Variants in CPS1 observed in about 807,000 individuals in gnomAD.
The protein encoded by CPS1 is carbamoyl-phosphate synthase 1, also known as carbamoyl-phosphate synthase [ammonia], mitochondrial.
A neutral mutation model predicts 174.6 loss-of-function variants in CPS1; 109 were observed. The ratio of observed to expected loss-of-function variants is 0.62; its 90% CI spans 0.53 to 0.73. The LOEUF (loss-of-function observed/expected upper bound fraction) is 0.73, where lower values mean the gene tolerates loss of function less well. CPS1 is among the 30% of genes least tolerant of loss of function. The pLI, the probability that CPS1 is intolerant of heterozygous loss-of-function variation, is 0.00. For synonymous variants in CPS1, 637 were observed against 632.0 expected (o/e 1.01, Z -0.12); for missense variants, 1,689 against 1,821.9 (o/e 0.93, Z 1.33).
In CPS1 at chr2:210,677,154, G is replaced by C. The variant is rs1283083703; in HGVS notation, c.4404+18G>C. 6.2e-7 allele frequency: 1 copy of C among 1,612,614 alleles called. No individual in the cohort carries two copies. Among genetic ancestry groups the C allele is most frequent in the Admixed American group, 1.7e-5 (1 of 60,000 alleles). The stretch of plus-strand genomic sequence containing the variant: ...ATTTTCAGGTATAGTCTTTTCCTTG[G>C]ATATAGACTGGATGGGAGTTTTATT... On this transcript the variant is annotated intron_variant, in intron 37 of 37. Coordinates refer to ENST00000233072, the MANE Select transcript of CPS1 (RefSeq NM_001875.5).
chr2:210,600,775 T>C, intron 15 of CPS1, 63 bp downstream of exon 15: 3 of 1,508,650 alleles, frequency 2.0e-6, no homozygotes, highest in Non-Finnish European at 2.8e-6. Flanking sequence ...GGGAGAATGA[T>C]TTTTCATGCC....
Position 210,648,007 on chromosome 2 carries a change from T to C in CPS1, c.3286T>C (p.Leu1096=), listed in dbSNP as rs749825961. The C allele has an allele frequency of 3.1e-6, 5 of 1,613,894 alleles. No homozygotes were observed. The highest frequency in any genetic ancestry group is 4.2e-6 in the Non-Finnish European group (5 of 1,179,914). The part of the protein sequence containing the change: ...AEDRSIFSAV[L]DELKVAQAPW... ...GGATCGCTCCATCTTCTCAGCTGTC[T>C]TGGATGAGCTGAAGGTGGCTCAGGC... is the stretch of plus-strand genomic sequence containing the variant. The change falls in exon 26 of 38, where the codon TTG becomes CTG. Residue 1096 remains leucine, a synonymous_variant. Coordinates refer to ENST00000233072, the MANE Select transcript of CPS1 (RefSeq NM_001875.5).
intron 1 of CPS1, among the ~76,000 whole-genome samples, chr2:210,518,013 A>G (rs950621392): frequency 2.6e-5 from 4 of 151,998 alleles, no homozygotes; most frequent in Non-Finnish European, 5.9e-5. Context: ...GATTAGTAGC[A>G]GTAGATTGCT....
intron 13 of CPS1, 32 bp downstream of exon 13, chr2:210,595,614 A>G (rs765444416): frequency 3.5e-6 from 5 of 1,409,652 alleles, no homozygotes; most frequent in African/African-American, 1.4e-5. Flanking sequence ...TAGAATTAAT[A>G]TGCTTCCTTT....
chr2:210,497,959 A>G (rs998435247), intron 1 of CPS1, among the ~76,000 whole-genome samples: 1 of 139,838 alleles, frequency 7.2e-6, no homozygotes, highest in African/African-American at 2.6e-5. Context: ...GCTGAATGGT[A>G]GTTCTGCTTT....
chr2:210,514,423 G>A (rs1199163124), intron 1 of CPS1, among the ~76,000 whole-genome samples: 1 of 151,542 alleles, frequency 6.6e-6, no homozygotes, highest in Non-Finnish European at 1.5e-5. Context: ...GTATTCCTAG[G>A]TATTTTTTTT....
chr2:210,511,311 C>T (rs1003212974), intron 1 of CPS1, among the ~76,000 whole-genome samples: 2 of 151,900 alleles, frequency 1.3e-5, no homozygotes, highest in African/African-American at 4.8e-5. Context: ...TGTTCTTACT[C>T]ATAGGTGGGA....
chr2:210,677,932 G>C lies in CPS1; in HGVS notation c.4450G>C (p.Asp1484His), dbSNP rs1701584659. 2 of 1,613,958 alleles carry C rather than the reference G, an allele frequency of 1.2e-6. No homozygotes were observed. Among genetic ancestry groups the C allele is most frequent in the African/African-American group, 2.7e-5 (2 of 74,906 alleles). Residue 1484 changes from aspartate (D) to histidine (H), a missense_variant, in exon 38 of 38, where the codon GAC becomes CAC. Physicochemically the swap from Asp to His is moderately conservative, Grantham distance 81. Coordinates refer to ENST00000233072, the MANE Select transcript of CPS1 (RefSeq NM_001875.5). ...AGCTGTGCAGAAATCTCGCAAGGTGGACTCCAAGAGTCTTTTCCACTACAG... is the reference window on the plus strand; with the variant it reads ...AGCTGTGCAGAAATCTCGCAAGGTGCACTCCAAGAGTCTTTTCCACTACAG... ...AEAVQKSRKV[D>H]SKSLFHYRQY...
At chr2:210,612,496 T>C (rs1319087370) in intron 20 of CPS1, among the ~76,000 whole-genome samples, 2 of 151,976 alleles carry the variant, frequency 1.3e-5, no homozygotes, top group Non-Finnish European at 2.9e-5. Flanking sequence ...TCATTTTTAT[T>C]TGACTTTAAG....
upstream of CPS1, among the ~76,000 whole-genome samples, chr2:210,552,722 A>T (rs1016595917): frequency 6.6e-6 from 1 of 151,994 alleles, no homozygotes; most frequent in African/African-American, 2.4e-5. Context: ...GGACTGTTTA[A>T]ATCAGTATAG....
At chr2:210,571,207 T>C (rs1361306061) in intron 1 of CPS1, among the ~76,000 whole-genome samples, 2 of 151,952 alleles carry the variant, frequency 1.3e-5, no homozygotes, top group East Asian at 3.8e-4. Context: ...TTAAATTTAG[T>C]GAAGACAAAC....
chr2:210,595,698 C>A, intron 13 of CPS1, 116 bp downstream of exon 13: 1 of 759,910 alleles, frequency 1.3e-6, no homozygotes, highest in Non-Finnish European at 2.2e-6. Flanking sequence ...AATTATTTTC[C>A]TTAACTGTGC....
intron 6 of CPS1, among the ~76,000 whole-genome samples, chr2:210,585,703 C>G (rs141159903): frequency 1.3e-5 from 2 of 151,920 alleles, no homozygotes; most frequent in East Asian, 3.9e-4. Context: ...TAGTAACCAT[C>G]CTTATACTAC....
At chr2:210,553,245 A>C (rs1347583683), upstream of CPS1, among the ~76,000 whole-genome samples, 1 of 151,860 alleles carries the variant, frequency 6.6e-6, no homozygotes, top group Non-Finnish European at 1.5e-5. Context: ...ATGCTAGAAG[A>C]TAATACTTTA....
rs755882799 is a variant in CPS1 at position 210,612,116 on chromosome 2, G to T, written c.2392-1G>T. 6.2e-7 allele frequency: 1 copy of T among 1,611,516 alleles called. No individual in the cohort carries two copies. The highest frequency in any genetic ancestry group is 8.5e-7 in the Non-Finnish European group (1 of 1,178,358). On this transcript the variant is annotated splice_acceptor_variant, in intron 19 of 37. Coordinates refer to ENST00000233072, the MANE Select transcript of CPS1 (RefSeq NM_001875.5). LOFTEE classifies it high-confidence loss of function. Reference sequence around the variant, plus strand: ...TATGAGGTCTTAAACATGTATTACAGGTCATGGCTATTGGTCGTACCTTTG... The same window carrying T: ...TATGAGGTCTTAAACATGTATTACATGTCATGGCTATTGGTCGTACCTTTG...
rs765626352 is a variant in CPS1 at position 210,573,400 on chromosome 2, C to A, written c.229C>A (p.Leu77Met). The change falls in exon 2 of 38, where the codon CTG becomes ATG. Residue 77 changes from leucine to methionine, a missense_variant. Transcript: ENST00000233072. ...TGGTGAAGTGGTTTTTAATACTGGC[C>A]TGGGAGGGTGAGTAATGCTTTTCCA... ...VAGEVVFNTG[L>M]GGYPEAITDP... 1.2e-6 allele frequency: 2 copies of A among 1,609,956 alleles called. No homozygotes were observed. Among genetic ancestry groups the A allele is most frequent in the Non-Finnish European group, 1.7e-6 (2 of 1,176,460 alleles).
intron 1 of CPS1, among the ~76,000 whole-genome samples, chr2:210,536,703 G>A (rs1299204541): frequency 6.6e-6 from 1 of 152,080 alleles, no homozygotes; most frequent in Non-Finnish European, 1.5e-5. Flanking sequence ...AAAGAACACT[G>A]GAACTACAAA....
rs142586395 is a variant in CPS1, at chr2:210,612,697, T to C, written c.2568+404T>C. ...AGAAAGGAAGGTGCATACAATAATG[T>C]CCCTTAGTATGTGCCACTTGAGTCT... On this transcript the variant is annotated intron_variant, in intron 20 of 37. Coordinates refer to ENST00000233072, the MANE Select transcript of CPS1 (RefSeq NM_001875.5). Among the ~76,000 whole-genome samples the C allele has an allele frequency of 1.6e-4, 25 of 152,056 alleles. No individual in the cohort carries two copies. In the East Asian group the frequency reaches 4.9e-3, roughly 30 times the overall value.
intron 1 of CPS1, among the ~76,000 whole-genome samples, chr2:210,492,720 C>CT (rs1179508711): frequency 1.3e-5 from 2 of 152,004 alleles, no homozygotes; most frequent in Admixed American, 6.6e-5. Context: ...GTTCTTAAAA[C>CT]TTTTTTGGTG....
Sources: gnomAD v4.1 joint callset for allele counts (sites outside exome capture counted in the v4.1 genomes callset) on GRCh38, gnomAD v4.1.1 for gene constraint, MANE v1.5 for transcripts, NCBI Gene and HGNC (gene_info 2026-07-23, HGNC 2026-07-21) for gene names.